The following ADAMTS14 variants were observed in gnomAD, a reference collection of about 807,000 sequenced individuals.
ADAMTS14 encodes A disintegrin and metalloproteinase with thrombospondin motifs 14.
Under a neutral mutation model 128.6 loss-of-function variants are expected in ADAMTS14, and 100 were observed. The ratio of observed to expected loss-of-function variants is 0.78; its 90% CI spans 0.66 to 0.92. The LOEUF is 0.92. Among genes scored for constraint, ADAMTS14 ranks in the 40% least tolerant of loss-of-function variants. The probability of loss-of-function intolerance (pLI) is 0.00; values close to 1 mark genes in which losing one functional copy is unlikely to be tolerated. For missense variants in ADAMTS14, 1,562 were observed against 1,658.6 expected, an observed-to-expected ratio of 0.94 and a Z score of 1.01; for synonymous variants, 665 against 653.8, an observed-to-expected ratio of 1.02 and a Z score of -0.26.
intron 4 of ADAMTS14, among the ~76,000 whole-genome samples, chr10:70,726,207 C>T (rs1206403187): frequency 6.6e-6 from 1 of 152,254 alleles, no homozygotes; most frequent in East Asian, 1.9e-4. Context: ...AGGCAGCAGC[C>T]CCCTGCCCAG....
At chr10:70,733,413 C>T (rs758792914) in intron 7 of ADAMTS14, among the ~76,000 whole-genome samples, 1 of 152,234 alleles carries the variant, frequency 6.6e-6, no homozygotes, top group African/African-American at 2.4e-5. Flanking sequence ...CAGGCGCTGA[C>T]AGGGGCTCAA....
chr10:70,696,745 C>T (rs1840343104), intron 2 of ADAMTS14, among the ~76,000 whole-genome samples: 1 of 152,076 alleles, frequency 6.6e-6, no homozygotes, highest in Non-Finnish European at 1.5e-5. Flanking sequence ...GTGAGCAGGG[C>T]AGTGGGGGAA....
Position 70,753,871 on chromosome 10 carries a change from A to G in ADAMTS14, c.2801A>G (p.Gln934Arg), listed in dbSNP as rs1350723378. The change falls in exon 19 of 22, where the codon CAG (glutamine) becomes CGG (arginine). Residue 934 changes from glutamine (Q) to arginine (R), a missense_variant. Coordinates refer to ENST00000373207, the MANE Select transcript of ADAMTS14 (RefSeq NM_080722.4). Reference sequence around the variant, plus strand: ...CTGGGGGTGCAGACACGGGGGATACAGTGCCTGCTGCCCCTCTCCAATGGA... The same window carrying G: ...CTGGGGGTGCAGACACGGGGGATACGGTGCCTGCTGCCCCTCTCCAATGGA... ...GKLGVQTRGI[Q>R]CLLPLSNGTH... The G allele has an allele frequency of 1.9e-6, 3 of 1,593,570 alleles. No homozygotes were observed. Among genetic ancestry groups the G allele is most frequent in the African/African-American group, 1.3e-5 (1 of 74,948 alleles).
chr10:70,707,565 A>G (rs1840705050), intron 3 of ADAMTS14, among the ~76,000 whole-genome samples: 1 of 152,190 alleles, frequency 6.6e-6, no homozygotes, highest in African/African-American at 2.4e-5. Flanking sequence ...TTCAGGCTAT[A>G]GCATAGATGA....
At position 70,702,418 on chromosome 10, in the gene ADAMTS14, AG is replaced by A; in HGVS notation, c.631del (p.Ala211ProfsTer78). 6.2e-7 allele frequency: 1 copy of A among 1,613,766 alleles called. No individual in the cohort carries two copies. ...SGRTHVVYRR[E>X]AVQQEWAEPD... ...AGGACACATGTGGTGTACCGCCGGG[AG>A]GCCGTCCAGCAGGAGTGGGCAGAAC... is the stretch of plus-strand genomic sequence containing the variant. On this transcript the variant is annotated frameshift_variant, in exon 3 of 22. Coordinates refer to ENST00000373207, the MANE Select transcript of ADAMTS14 (RefSeq NM_080722.4). LOFTEE classifies it high-confidence loss of function.
chr10:70,686,242 A>G (rs1839946301), intron 2 of ADAMTS14, among the ~76,000 whole-genome samples: 1 of 149,888 alleles, frequency 6.7e-6, no homozygotes, highest in Non-Finnish European at 1.5e-5. Context: ...CTCTGTTCCC[A>G]ACGGGTGGCT....
At chr10:70,696,705 AT>A (rs1840341374) in intron 2 of ADAMTS14, among the ~76,000 whole-genome samples, 1 of 152,192 alleles carries the variant, frequency 6.6e-6, no homozygotes, top group African/African-American at 2.4e-5. Flanking sequence ...ATGAAGTTTA[AT>A]AATAACTGGA....
At position 70,753,823 on chromosome 10, in the gene ADAMTS14, C is replaced by T; in HGVS notation, c.2753C>T (p.Ala918Val). The T allele has an allele frequency of 6.3e-7, 1 of 1,586,704 alleles. No individual in the cohort carries two copies. The highest frequency in any genetic ancestry group is 8.6e-7 in the Non-Finnish European group (1 of 1,167,170). Reference protein sequence around the residue: ...QPVWVTEEWGACSRSCGKLGV... With the variant: ...QPVWVTEEWGVCSRSCGKLGV... ...AGGTGGGTGACGGAGGAGTGGGGTGCCTGCAGCCGGAGCTGTGGGAAGCTG... is the reference window on the plus strand; with the variant it reads ...AGGTGGGTGACGGAGGAGTGGGGTGTCTGCAGCCGGAGCTGTGGGAAGCTG... The change falls in exon 19 of 22, where the codon GCC becomes GTC. Residue 918 changes from alanine (A) to valine (V), a missense_variant. Transcript: ENST00000373207.
At position 70,751,569 on chromosome 10, in the gene ADAMTS14, A is replaced by G; in HGVS notation, c.2519A>G (p.Asn840Ser). 6.2e-7 allele frequency: 1 copy of G among 1,613,790 alleles called. No individual in the cohort carries two copies. The highest frequency in any genetic ancestry group is 8.5e-7 in the Non-Finnish European group (1 of 1,179,786). Residue 840 changes from asparagine to serine, a missense_variant, in exon 17 of 22, where the codon AAT (asparagine) becomes AGT (serine). By Grantham distance (46) the Asn-to-Ser change is conservative. Coordinates refer to ENST00000373207, the MANE Select transcript of ADAMTS14 (RefSeq NM_080722.4). ...EDLLPLIGSN[N>S]VLLEEMDTYE... Reference sequence around the variant, plus strand: ...CTGCTGCCCCTTATCGGGAGCAACAATGTGCTCCTGGAGGAGATGGACACC... The same window carrying G: ...CTGCTGCCCCTTATCGGGAGCAACAGTGTGCTCCTGGAGGAGATGGACACC...
At position 70,760,621 on chromosome 10, in the gene ADAMTS14, G is replaced by T; in HGVS notation, c.3440G>T (p.Arg1147Leu). Residue 1147 changes from arginine to leucine, a missense_variant, in exon 22 of 22, where the codon CGA (arginine) becomes CTA (leucine). Transcript: ENST00000373207. ...GGATCAGAGGACCATCAGCATGGCC[G>T]AGCCACACAGCTCCCAGGAGCTCTG... ...PTGSEDHQHG[R>L]ATQLPGALDT... 4 of 1,614,110 alleles carry T rather than the reference G, an allele frequency of 2.5e-6. No individual in the cohort carries two copies. The highest frequency in any genetic ancestry group is 3.4e-6 in the Non-Finnish European group (4 of 1,180,012).
Position 70,702,459 on chromosome 10 carries a change from C to A in ADAMTS14, c.670C>A (p.His224Asn), listed in dbSNP as rs1840526397. 2 of 1,607,232 alleles carry A rather than the reference C, an allele frequency of 1.2e-6. No homozygotes were observed. The highest frequency in any genetic ancestry group is 2.2e-5 in the South Asian group (2 of 89,654). ...GTGGGCAGAACCTGACGGGGACCTG[C>A]ACAATGAAGGTAGGCTGTAGGTAGG... Reference protein sequence around the residue: ...QEWAEPDGDLHNEAFGLGDLP... With the variant: ...QEWAEPDGDLNNEAFGLGDLP... Residue 224 changes from histidine (H) to asparagine (N), a missense_variant, in exon 3 of 22, where the codon CAC (histidine) becomes AAC (asparagine). Coordinates refer to ENST00000373207, the MANE Select transcript of ADAMTS14 (RefSeq NM_080722.4).
intron 12 of ADAMTS14, among the ~76,000 whole-genome samples, chr10:70,741,586 AGCTCAGTCCTATTACACGCT>A (rs1326587597): frequency 6.6e-6 from 1 of 152,142 alleles, no homozygotes; most frequent in East Asian, 1.9e-4. Flanking sequence ...TGTCCTGAGG[AGCTCAGTCCTATTACACGCT>A]GTGTTTTTAG....
chr10:70,685,102 C>T (rs1361614291), intron 2 of ADAMTS14, among the ~76,000 whole-genome samples: 2 of 152,174 alleles, frequency 1.3e-5, no homozygotes, highest in African/African-American at 2.4e-5. Context: ...GGAGGGAGGG[C>T]GGCCTGAGGG....
intron 2 of ADAMTS14, among the ~76,000 whole-genome samples, chr10:70,700,840 A>G (rs1208047662): frequency 6.6e-6 from 1 of 152,216 alleles, no homozygotes; most frequent in South Asian, 2.1e-4. Flanking sequence ...GGAGGCACAC[A>G]GTAGGTATAA....
intron 14 of ADAMTS14, among the ~76,000 whole-genome samples, 195 bp from the exon 15 acceptor site, chr10:70,745,031 A>T (rs1842134091): frequency 6.6e-6 from 1 of 152,156 alleles, no homozygotes; most frequent in African/African-American, 2.4e-5. Flanking sequence ...TTTACAGGAC[A>T]TGTCTCATTC....
intron 4 of ADAMTS14, among the ~76,000 whole-genome samples, chr10:70,713,647 A>G (rs1037617968): frequency 6.6e-6 from 1 of 152,244 alleles, no homozygotes; most frequent in African/African-American, 2.4e-5. Context: ...CTCCTAGGGA[A>G]GACTGGCTAG....
At chr10:70,740,353 T>C (rs1841956818) in intron 11 of ADAMTS14, among the ~76,000 whole-genome samples, 2 of 152,234 alleles carry the variant, frequency 1.3e-5, no homozygotes, top group Non-Finnish European at 2.9e-5. Flanking sequence ...GAAGAGAGCA[T>C]AGATGACTAT....
intron 2 of ADAMTS14, among the ~76,000 whole-genome samples, chr10:70,686,871 CGG>C (rs747564522): frequency 3.5e-4 from 15 of 43,014 alleles, no homozygotes; most frequent in Admixed American, 2.1e-3. Context: ...GCTGGCTGGG[CGG>C]GGGGGGCTGA....
At chr10:70,752,479 T>C (rs913305378) in intron 18 of ADAMTS14, among the ~76,000 whole-genome samples, 18 of 151,304 alleles carry the variant, frequency 1.2e-4, no homozygotes, top group Admixed American at 4.6e-4. Context: ...CAGCCCCTAA[T>C]TGGGATTCCC....
Sources: gnomAD v4.1 joint callset for allele counts (sites outside exome capture counted in the v4.1 genomes callset) on GRCh38, gnomAD v4.1.1 for gene constraint, MANE v1.5 for transcripts, NCBI Gene and HGNC (gene_info 2026-07-23, HGNC 2026-07-21) for gene names.